The following FOXP2 variants were observed in gnomAD, a reference collection of about 807,000 sequenced individuals.
FOXP2 encodes the protein forkhead box P2.
In FOXP2, 12 loss-of-function variants were observed where a neutral mutation model predicts 115.8. The observed-to-expected ratio is 0.10, with a 90% CI of 0.07 to 0.17. The LOEUF (loss-of-function observed/expected upper bound fraction) is 0.17. FOXP2 is among the 10% of genes least tolerant of loss of function. FOXP2 has a pLI of 1.00. For synonymous variants in FOXP2, 328 were observed against 297.7 expected (o/e 1.10, Z -1.05); for missense variants, 629 against 843.5 (o/e 0.75, Z 3.15).
At chr7:114,499,535 A>G (rs1317482598) in intron 2 of FOXP2, 1 of 152,138 alleles carries the variant, frequency 6.6e-6, no homozygotes, top group Non-Finnish European at 1.5e-5. Context: ...TTTGTGAGCA[A>G]CTTACTTCCT....
intron 2 of FOXP2, among the ~76,000 whole-genome samples, chr7:114,493,439 G>T (rs1233431620): frequency 2.0e-5 from 3 of 152,024 alleles, no homozygotes; most frequent in African/African-American, 7.2e-5. Context: ...ATGTCAATAT[G>T]GGTTCAGAAT....
intron 2 of FOXP2, among the ~76,000 whole-genome samples, chr7:114,492,929 C>A (rs762404204): frequency 2.6e-5 from 4 of 152,000 alleles, no homozygotes; most frequent in African/African-American, 9.7e-5. Flanking sequence ...CTATTAAGTC[C>A]GCTTGGTGCA....
intron 2 of FOXP2, among the ~76,000 whole-genome samples, chr7:114,452,334 A>C (rs1032904129): frequency 6.6e-6 from 1 of 152,036 alleles, no homozygotes; most frequent in African/African-American, 2.4e-5. Flanking sequence ...TTAAAAAAAA[A>C]TCTTATTGGT....
Position 114,579,885 on chromosome 7 carries a change from A to C in FOXP2, c.258+45179A>C, listed in dbSNP as rs147713161. On this transcript the variant is annotated intron_variant, in intron 3 of 16. Transcript: ENST00000350908. Reference sequence around the variant, plus strand: ...GAAATTTAGATTATGAAAATGGGAAATACGTAATTTAGGATTCAAAAATCT... The same window carrying C: ...GAAATTTAGATTATGAAAATGGGAACTACGTAATTTAGGATTCAAAAATCT... Among the ~76,000 whole-genome samples, 303 of 152,312 alleles carry C rather than the reference A, an allele frequency of 2.0e-3. 1 individual carries two copies. The highest frequency in any genetic ancestry group is 3.1e-3 in the Non-Finnish European group (214 of 68,026).
chr7:114,474,519 C>A (rs1317770545), intron 2 of FOXP2, among the ~76,000 whole-genome samples: 1 of 152,126 alleles, frequency 6.6e-6, no homozygotes, highest in Non-Finnish European at 1.5e-5. Context: ...TATAGCTAAA[C>A]TCAGGCTCTG....
intron 3 of FOXP2, among the ~76,000 whole-genome samples, chr7:114,567,862 G>A (rs940010230): frequency 2.0e-5 from 3 of 151,984 alleles, no homozygotes; most frequent in African/African-American, 7.2e-5. Flanking sequence ...AAACTGGGTG[G>A]GGTTTTCAAA....
intron 2 of FOXP2, among the ~76,000 whole-genome samples, chr7:114,454,926 G>T (rs1482012386): frequency 7.2e-6 from 1 of 139,256 alleles, no homozygotes; most frequent in Non-Finnish European, 1.5e-5. Context: ...GCTAGATGAC[G>T]AGTTAGTGGG....
At chr7:114,536,392 CTTTTCTTT>C (rs1399493266) in intron 3 of FOXP2, among the ~76,000 whole-genome samples, 3 of 96,112 alleles carry the variant, frequency 3.1e-5, no homozygotes, top group Non-Finnish European at 6.3e-5. Flanking sequence ...TTTAGTTTTT[CTTTTCTTT>C]TTTTTTTTTT....
Position 114,399,224 on chromosome 7 carries a change from C to T in FOXP2, c.-10-27278C>T, listed in dbSNP as rs570723678. ...CCCAATTCAAGTGATTCTCCTGACT[C>T]AGCCTCCCGAGTAGCTGTGATTACA... On this transcript the variant is annotated intron_variant, in intron 2 of 17. Transcript: ENST00000634411. 2.9e-4 allele frequency among the ~76,000 whole-genome samples: 44 copies of T among 151,670 alleles called. 1 individual carries two copies. The highest frequency in any genetic ancestry group is 2.8e-3 in the Admixed American group (42 of 15,206).
At chr7:114,421,964 T>C (rs1172734834) in intron 1 of FOXP2, among the ~76,000 whole-genome samples, 2 of 151,808 alleles carry the variant, frequency 1.3e-5, no homozygotes, top group Non-Finnish European at 2.9e-5. Context: ...ACTTAACTAA[T>C]ATTTTGAGGT....
At position 114,659,604 on chromosome 7, in the gene FOXP2, A is replaced by T. The variant is rs1269029683; in HGVS notation, c.1578A>T (p.Thr526=). Residue 526 remains threonine, a synonymous_variant, in exon 13 of 17, where the codon ACA becomes ACT. Coordinates refer to ENST00000350908, the MANE Select transcript of FOXP2 (RefSeq NM_014491.4). ...AIMESSDRQL[T]LNEIYSWFTR... ...TGGAGTCATCTGACAGGCAGTTAACACTTAATGAAATTTACAGCTGGTTTA... is the reference window on the plus strand; with the variant it reads ...TGGAGTCATCTGACAGGCAGTTAACTCTTAATGAAATTTACAGCTGGTTTA... 6.2e-7 allele frequency: 1 copy of T among 1,613,734 alleles called. No homozygotes were observed. The highest frequency in any genetic ancestry group is 2.2e-5 in the East Asian group (1 of 44,860).
At chr7:114,653,809 C>G in intron 9 of FOXP2, 117 bp from the exon 10 acceptor site, 2 of 1,171,438 alleles carry the variant, frequency 1.7e-6, no homozygotes, top group Non-Finnish European at 2.5e-6. Flanking sequence ...CTGACGCAGA[C>G]TTTTACATGC....
chr7:114,107,885 G>A (rs567362771), intron 1 of FOXP2, among the ~76,000 whole-genome samples: 18 of 151,850 alleles, frequency 1.2e-4, no homozygotes, highest in African/African-American at 4.3e-4. Flanking sequence ...TGGAATCTTG[G>A]GATTCCATTG....
At chr7:114,387,677 T>C (rs1792487460) in intron 2 of FOXP2, among the ~76,000 whole-genome samples, 1 of 152,126 alleles carries the variant, frequency 6.6e-6, no homozygotes, top group Non-Finnish European at 1.5e-5. Context: ...AGAAAAAGGG[T>C]ATAAACATTG....
In FOXP2 at chr7:114,570,560, A is replaced by G. The variant is rs187424973; in HGVS notation, c.258+35854A>G. Among the ~76,000 whole-genome samples the G allele has an allele frequency of 7.9e-5, 12 of 152,026 alleles. 1 individual carries two copies. The East Asian group carries it at 2.3e-3, about 29-fold the overall frequency. On this transcript the variant is annotated intron_variant, in intron 3 of 16. Coordinates refer to ENST00000350908, the MANE Select transcript of FOXP2 (RefSeq NM_014491.4). ...TACAGCAGTATCATGGTACATAATCAGTGGATTTTTTGGTTATGGGTTAAT... is the reference window on the plus strand; with the variant it reads ...TACAGCAGTATCATGGTACATAATCGGTGGATTTTTTGGTTATGGGTTAAT...
intron 1 of FOXP2, among the ~76,000 whole-genome samples, chr7:114,191,605 G>A (rs940548194): frequency 1.3e-5 from 2 of 151,954 alleles, no homozygotes; most frequent in Non-Finnish European, 2.9e-5. Flanking sequence ...TTTCTTTTTT[G>A]ACTAGTGGGC....
chr7:114,565,645 G>T (rs1163554179), intron 3 of FOXP2, among the ~76,000 whole-genome samples: 1 of 152,080 alleles, frequency 6.6e-6, no homozygotes, highest in Non-Finnish European at 1.5e-5. Context: ...GTAAATAAAA[G>T]CATAACTTTT....
At chr7:114,579,123 G>A (rs978390036) in intron 3 of FOXP2, among the ~76,000 whole-genome samples, 2 of 152,130 alleles carry the variant, frequency 1.3e-5, no homozygotes, top group Admixed American at 6.6e-5. Flanking sequence ...TGTTTACTAT[G>A]TGTCAGATAA....
chr7:114,426,341 A>T (rs1265892727), intron 1 of FOXP2, among the ~76,000 whole-genome samples, 161 bp from the exon 2 acceptor site: 2 of 151,682 alleles, frequency 1.3e-5, no homozygotes, highest in Non-Finnish European at 3.0e-5. Flanking sequence ...TCTGGATGAA[A>T]GCTGAATTTG....
Sources: gnomAD v4.1 joint callset for allele counts (sites outside exome capture counted in the v4.1 genomes callset) on GRCh38, gnomAD v4.1.1 for gene constraint, MANE v1.5 for transcripts, NCBI Gene and HGNC (gene_info 2026-07-23, HGNC 2026-07-21) for gene names.